The following CDH13 variants were observed in gnomAD, a reference collection of about 807,000 sequenced individuals.
The protein encoded by CDH13 is cadherin-13.
A neutral mutation model predicts 63.8 loss-of-function variants in CDH13; 24 were observed. That is an observed-to-expected ratio of 0.38 (90% CI 0.27 to 0.53). CDH13 has a LOEUF of 0.53. Among genes scored for constraint, CDH13 ranks in the 20% least tolerant of loss-of-function variants. The pLI, the probability that CDH13 is intolerant of heterozygous loss-of-function variation, is 0.85. For synonymous variants in CDH13, 503 were observed against 355.3 expected (o/e 1.42, Z -4.67); for missense variants, 1,049 against 903.1 (o/e 1.16, Z -2.07).
intron 1 of CDH13, among the ~76,000 whole-genome samples, chr16:82,666,457 C>G (rs768132972): frequency 3.3e-5 from 5 of 152,138 alleles, no homozygotes; most frequent in Non-Finnish European, 7.3e-5. Flanking sequence ...ACATGGAGAC[C>G]CATACTTGAA....
chr16:83,117,603 C>T lies in CDH13; in HGVS notation c.367-7782C>T, dbSNP rs968377979. 2.6e-4 allele frequency among the ~76,000 whole-genome samples: 39 copies of T among 152,124 alleles called. No individual in the cohort carries two copies. The East Asian group carries it at 2.9e-3, about 11-fold the overall frequency. On this transcript the variant is annotated intron_variant, in intron 3 of 13. Transcript: ENST00000567109. ...TGCTTCTTTTAGGCACTGCACCATC[C>T]GAGATGCCTAGAATTATACCTGGCA...
At chr16:82,688,606 T>A (rs1305287692) in intron 1 of CDH13, among the ~76,000 whole-genome samples, 1 of 152,206 alleles carries the variant, frequency 6.6e-6, no homozygotes, top group African/African-American at 2.4e-5. Context: ...ACATCATTCA[T>A]CTGATGACAT....
intron 6 of CDH13, among the ~76,000 whole-genome samples, chr16:83,457,213 A>G (rs1246510685): frequency 6.6e-6 from 1 of 152,158 alleles, no homozygotes; most frequent in East Asian, 1.9e-4. Context: ...CTGACACCTT[A>G]CGGTTGTTTT....
At chr16:83,119,393 G>C (rs917320692) in intron 3 of CDH13, among the ~76,000 whole-genome samples, 1 of 152,046 alleles carries the variant, frequency 6.6e-6, no homozygotes, top group African/African-American at 2.4e-5. Flanking sequence ...AGAAATCTCT[G>C]CTTCACGTCC....
chr16:83,201,986 T>A (rs574090562), intron 4 of CDH13, among the ~76,000 whole-genome samples: 1 of 152,180 alleles, frequency 6.6e-6, no homozygotes, highest in Non-Finnish European at 1.5e-5. Flanking sequence ...GTCACCATGT[T>A]TGAGCCTGCA....
intron 11 of CDH13, among the ~76,000 whole-genome samples, chr16:83,762,431 A>T (rs1169689600): frequency 6.6e-6 from 1 of 152,208 alleles, no homozygotes; most frequent in Non-Finnish European, 1.5e-5. Context: ...TAGAGAGAAC[A>T]TTCGGGAATG....
intron 2 of CDH13, among the ~76,000 whole-genome samples, chr16:82,930,366 C>T (rs760912818): frequency 6.6e-6 from 1 of 152,128 alleles, no homozygotes; most frequent in Non-Finnish European, 1.5e-5. Context: ...AGATCAACAG[C>T]TAACATTTAA....
chr16:83,683,433 C>T (rs1385878251), intron 10 of CDH13, among the ~76,000 whole-genome samples: 4 of 152,204 alleles, frequency 2.6e-5, no homozygotes, highest in African/African-American at 9.7e-5. Context: ...CCCTCAATCA[C>T]GTATGTGAGT....
At chr16:82,961,980 A>G (rs1374194871) in intron 2 of CDH13, among the ~76,000 whole-genome samples, 1 of 152,174 alleles carries the variant, frequency 6.6e-6, no homozygotes, top group Non-Finnish European at 1.5e-5. Context: ...TATGGATGCC[A>G]TGGGAAACAC....
chr16:83,691,364 G>C (rs897220279), intron 10 of CDH13, among the ~76,000 whole-genome samples: 3 of 152,128 alleles, frequency 2.0e-5, no homozygotes, highest in Non-Finnish European at 4.4e-5. Context: ...TCAACATCCA[G>C]ATGGAATTTA....
At chr16:83,393,935 T>G (rs2091836130) in intron 6 of CDH13, among the ~76,000 whole-genome samples, 1 of 152,136 alleles carries the variant, frequency 6.6e-6, no homozygotes, top group Non-Finnish European at 1.5e-5. Flanking sequence ...AACAAGATCA[T>G]GTCCTGTGCA....
chr16:83,022,291 TTC>T (rs1915415667), intron 2 of CDH13, among the ~76,000 whole-genome samples: 1 of 152,228 alleles, frequency 6.6e-6, no homozygotes, highest in Non-Finnish European at 1.5e-5. Flanking sequence ...AAGAATTGAA[TTC>T]TGTTTTTCCA....
At chr16:83,247,238 C>T (rs1045143941) in intron 5 of CDH13, among the ~76,000 whole-genome samples, 1 of 152,122 alleles carries the variant, frequency 6.6e-6, no homozygotes, top group Non-Finnish European at 1.5e-5. Flanking sequence ...TAGAAGGAGG[C>T]ATGTGGTGTG....
chr16:82,704,296 A>G (rs532631088), intron 1 of CDH13, among the ~76,000 whole-genome samples: 80 of 152,258 alleles, frequency 5.3e-4, no homozygotes, highest in African/African-American at 1.8e-3. Context: ...TGAATTATGG[A>G]TGTTACAGAA....
chr16:82,866,277 T>C (rs912575733), intron 2 of CDH13, among the ~76,000 whole-genome samples: 5 of 151,946 alleles, frequency 3.3e-5, no homozygotes, highest in Admixed American at 3.3e-4. Context: ...GTTACACATT[T>C]CCAAATTTGC....
intron 7 of CDH13, among the ~76,000 whole-genome samples, chr16:83,495,400 G>A (rs1246377530): frequency 6.6e-6 from 1 of 152,180 alleles, no homozygotes; most frequent in Non-Finnish European, 1.5e-5. Context: ...AAGATAAGGG[G>A]TTGTGGAGAC....
intron 6 of CDH13, among the ~76,000 whole-genome samples, chr16:83,425,333 C>G (rs1233416151): frequency 1.3e-5 from 2 of 152,196 alleles, no homozygotes; most frequent in African/African-American, 4.8e-5. Flanking sequence ...TCATTTGGCT[C>G]TTGCCTGAAG....
chr16:82,764,997 G>A (rs2035000606), intron 1 of CDH13, among the ~76,000 whole-genome samples: 1 of 151,894 alleles, frequency 6.6e-6, no homozygotes, highest in African/African-American at 2.4e-5. Context: ...TGTATTTTTA[G>A]TAGAAACAGG....
chr16:83,557,860 G>A (rs189544328), intron 7 of CDH13, among the ~76,000 whole-genome samples: 3 of 152,208 alleles, frequency 2.0e-5, no homozygotes, highest in East Asian at 1.9e-4. Context: ...CACATGCTTC[G>A]ATCATTTTGA....
Sources: allele counts gnomAD v4.1 joint callset (sites outside exome capture counted in the v4.1 genomes callset), GRCh38; gene constraint gnomAD v4.1.1; transcripts MANE v1.5; gene names NCBI Gene and HGNC (gene_info 2026-07-23, HGNC 2026-07-21).